Variants in RBFOX1 observed in about 807,000 individuals in gnomAD.
RBFOX1 encodes RNA binding fox-1 homolog 1.
Under a neutral mutation model 57.7 loss-of-function variants are expected in RBFOX1, and 8 were observed. That is an observed-to-expected ratio of 0.14 (90% CI 0.08 to 0.25). RBFOX1 has a LOEUF of 0.25. RBFOX1 is among the 10% of genes least tolerant of loss of function. The probability of loss-of-function intolerance (pLI) is 1.00; values close to 1 mark genes in which losing one functional copy is unlikely to be tolerated. For synonymous variants in RBFOX1, 326 were observed against 222.4 expected, an observed-to-expected ratio of 1.47 and a Z score of -4.15; for missense variants, 611 against 548.5, an observed-to-expected ratio of 1.11 and a Z score of -1.14.
intron 1 of RBFOX1, among the ~76,000 whole-genome samples, chr16:6,170,059 G>A (rs913850432): frequency 3.3e-5 from 5 of 152,044 alleles, no homozygotes; most frequent in African/African-American, 1.2e-4. Flanking sequence ...TGATCTTATC[G>A]ACCTATTAAG....
At chr16:6,747,400 C>A (rs1397443474) in intron 3 of RBFOX1, among the ~76,000 whole-genome samples, 1 of 145,342 alleles carries the variant, frequency 6.9e-6, no homozygotes, top group South Asian at 2.2e-4. Context: ...GAGTGAGACT[C>A]AGTCTCAAAA....
chr16:5,407,624 C>T (rs554202109), intron 1 of RBFOX1, among the ~76,000 whole-genome samples: 2 of 152,226 alleles, frequency 1.3e-5, no homozygotes, highest in South Asian at 4.2e-4. Context: ...TCTTGGCTTA[C>T]TGCAACCTCT....
At chr16:6,541,378 A>G (rs1033820694) in intron 2 of RBFOX1, among the ~76,000 whole-genome samples, 13 of 152,328 alleles carry the variant, frequency 8.5e-5, no homozygotes, top group African/African-American at 2.9e-4. Flanking sequence ...ACACTGTTCT[A>G]AACAGAGGTT....
chr16:7,490,010 G>C (rs1567466528), intron 4 of RBFOX1, among the ~76,000 whole-genome samples: 1 of 152,066 alleles, frequency 6.6e-6, no homozygotes, highest in Admixed American at 6.6e-5. Context: ...CTTTTGAATG[G>C]ACAGAAAGGT....
chr16:6,641,297 A>G (rs1456928177), intron 2 of RBFOX1, among the ~76,000 whole-genome samples: 1 of 152,154 alleles, frequency 6.6e-6, no homozygotes, highest in African/African-American at 2.4e-5. Flanking sequence ...AGAGGACAGC[A>G]TTGTAACACG....
At chr16:6,667,781 C>T (rs1448196692) in intron 3 of RBFOX1, among the ~76,000 whole-genome samples, 1 of 151,946 alleles carries the variant, frequency 6.6e-6, no homozygotes, top group Non-Finnish European at 1.5e-5. Flanking sequence ...CCCAGCTACT[C>T]AAATGGCTTA....
At chr16:7,216,555 A>G (rs1216799181) in intron 4 of RBFOX1, among the ~76,000 whole-genome samples, 1 of 152,126 alleles carries the variant, frequency 6.6e-6, no homozygotes, top group African/African-American at 2.4e-5. Context: ...ATAGGAGTAA[A>G]GGGTGTAGCA....
intron 3 of RBFOX1, among the ~76,000 whole-genome samples, chr16:6,911,248 G>A (rs534735720): frequency 6.3e-4 from 96 of 151,616 alleles, no homozygotes; most frequent in African/African-American, 2.3e-3. Context: ...CTTGGGTAGT[G>A]CGTTAGTTTC....
At chr16:5,899,925 G>C (rs933022525) in intron 4 of RBFOX1, among the ~76,000 whole-genome samples, 1 of 152,100 alleles carries the variant, frequency 6.6e-6, no homozygotes, top group African/African-American at 2.4e-5. Flanking sequence ...ATACAAAAAT[G>C]AGTCAGGCAT....
At chr16:7,374,227 T>G (rs547154768) in intron 4 of RBFOX1, among the ~76,000 whole-genome samples, 47 of 152,294 alleles carry the variant, frequency 3.1e-4, no homozygotes, top group African/African-American at 1.1e-3. Flanking sequence ...GTCAAATATT[T>G]ACCATCCCGT....
intron 1 of RBFOX1, among the ~76,000 whole-genome samples, chr16:6,311,295 C>CAAAAAAA (rs71145210): frequency 4.4e-5 from 4 of 91,232 alleles, no homozygotes; most frequent in Non-Finnish European, 3.9e-5. Flanking sequence ...GACTCTGTCT[C>CAAAAAAA]AAAAAAAAAA....
chr16:6,540,740 T>C (rs546977841), intron 2 of RBFOX1, among the ~76,000 whole-genome samples: 1 of 152,310 alleles, frequency 6.6e-6, no homozygotes, highest in African/African-American at 2.4e-5. Context: ...AGATTTTAAA[T>C]TTTATTAACT....
chr16:6,946,834 C>G (rs922115680), intron 3 of RBFOX1, among the ~76,000 whole-genome samples: 1 of 152,184 alleles, frequency 6.6e-6, no homozygotes. Context: ...TCTCCAGTTT[C>G]TGAATCTCAA....
At chr16:6,953,968 T>C (rs1451181805) in intron 3 of RBFOX1, among the ~76,000 whole-genome samples, 1 of 152,146 alleles carries the variant, frequency 6.6e-6, no homozygotes, top group East Asian at 1.9e-4. Flanking sequence ...CAAAAGTGTT[T>C]ACAGTTTTAC....
intron 4 of RBFOX1, among the ~76,000 whole-genome samples, chr16:7,189,995 A>G (rs542195217): frequency 1.3e-5 from 2 of 152,360 alleles, no homozygotes; most frequent in African/African-American, 4.8e-5. Context: ...ACAAAATCCC[A>G]AGACTTATTA....
At chr16:7,144,417 C>CTTTTTTTTTTTTTTTTT (rs1190886141) in intron 4 of RBFOX1, among the ~76,000 whole-genome samples, 2 of 66,914 alleles carry the variant, frequency 3.0e-5, no homozygotes, top group African/African-American at 1.2e-4. Context: ...TTTCTTTCTT[C>CTTTTTTTTTTTTTTTTT]TTTTTTTTTT....
intron 4 of RBFOX1, among the ~76,000 whole-genome samples, chr16:7,189,000 G>C (rs577475355): frequency 4.3e-4 from 66 of 152,266 alleles, no homozygotes; most frequent in African/African-American, 1.5e-3. Context: ...AGAACATCAG[G>C]CTAGAGGCAA....
chr16:5,451,126 A>G (rs991513914), intron 1 of RBFOX1, among the ~76,000 whole-genome samples: 1 of 152,192 alleles, frequency 6.6e-6, no homozygotes, highest in African/African-American at 2.4e-5. Context: ...CCTCCTGTTT[A>G]TTACTGTTGA....
intron 1 of RBFOX1, among the ~76,000 whole-genome samples, chr16:5,338,800 G>A (rs552739811): frequency 6.6e-6 from 1 of 152,230 alleles, no homozygotes; most frequent in South Asian, 2.1e-4. Context: ...GGGACTGAAG[G>A]TGGTTGCTAC....
Sources: gnomAD v4.1 joint callset for allele counts (sites outside exome capture counted in the v4.1 genomes callset) on GRCh38, gnomAD v4.1.1 for gene constraint, MANE v1.5 for transcripts, NCBI Gene and HGNC (gene_info 2026-07-23, HGNC 2026-07-21) for gene names.